The following TACC2 variants were observed in gnomAD, a reference collection of about 807,000 sequenced individuals.
TACC2 encodes the protein transforming acidic coiled-coil-containing protein 2.
TACC2 carries 137 observed loss-of-function variants against 227.3 expected under a neutral mutation model. The ratio of observed to expected loss-of-function variants is 0.60; its 90% CI spans 0.52 to 0.69. The LOEUF (loss-of-function observed/expected upper bound fraction) is 0.69, where lower values mean the gene tolerates loss of function less well. TACC2 is among the 30% of genes least tolerant of loss of function. The pLI is 0.00. For missense variants in TACC2, 3,470 were observed against 3,694.4 expected (o/e 0.94, Z 1.57); for synonymous variants, 1,523 against 1,487.5 (o/e 1.02, Z -0.55).
intron 5 of TACC2, among the ~76,000 whole-genome samples, chr10:122,129,117 G>A (rs2087519888): frequency 6.8e-6 from 1 of 147,614 alleles, no homozygotes; most frequent in Non-Finnish European, 1.5e-5. Context: ...TTTTGCTCTT[G>A]TCACCCAGGC....
chr10:122,233,760 T>G (rs1443005542), intron 16 of TACC2, among the ~76,000 whole-genome samples: 1 of 152,052 alleles, frequency 6.6e-6, no homozygotes, highest in East Asian at 1.9e-4. Flanking sequence ...GGAGCCTCTG[T>G]GGTCATTGGC....
chr10:122,080,211 C>CTTTTTTT (rs111618289), intron 3 of TACC2, among the ~76,000 whole-genome samples: 2 of 113,200 alleles, frequency 1.8e-5, no homozygotes, highest in African/African-American at 8.0e-5. Flanking sequence ...TCTTCCTTTC[C>CTTTTTTT]TTTTTTTTTT....
intron 5 of TACC2, among the ~76,000 whole-genome samples, chr10:122,106,762 A>G (rs1014105354): frequency 6.6e-6 from 1 of 152,238 alleles, no homozygotes; most frequent in Non-Finnish European, 1.5e-5. Flanking sequence ...AGACCACCCA[A>G]TACAAGAAAG....
At position 122,209,341 on chromosome 10, in the gene TACC2, G is replaced by C. The variant is rs1277641208; in HGVS notation, c.5972-1056G>C. Among the ~76,000 whole-genome samples, 1 of 152,180 alleles carries C rather than the reference G, an allele frequency of 6.6e-6. No individual in the cohort carries two copies. Among genetic ancestry groups the C allele is most frequent in the African/African-American group, 2.4e-5 (1 of 41,436 alleles). On this transcript the variant is annotated intron_variant, in intron 8 of 22. Transcript: ENST00000369005. The surrounding 1 kb of genome is among the most constrained non-coding windows in gnomAD (Gnocchi z 4.5). ...AGGAGTCAAGAACAGGCTTGCTGGTGGCCGTGGCTAGTATGAATATTTATG... is the reference window on the plus strand; with the variant it reads ...AGGAGTCAAGAACAGGCTTGCTGGTCGCCGTGGCTAGTATGAATATTTATG...
intron 1 of TACC2, among the ~76,000 whole-genome samples, chr10:122,014,577 T>C (rs1956342103): frequency 6.6e-6 from 1 of 152,172 alleles, no homozygotes; most frequent in South Asian, 2.1e-4. Context: ...GCTCAGTGTA[T>C]AAAATGGGGC....
chr10:122,074,643 A>G (rs546772214), intron 3 of TACC2, among the ~76,000 whole-genome samples: 1 of 152,264 alleles, frequency 6.6e-6, no homozygotes, highest in South Asian at 2.1e-4. Flanking sequence ...TACAGGGATT[A>G]GAGTGCTGGA....
In TACC2 at chr10:122,087,537, C is replaced by T; in HGVS notation, c.5037C>T (p.Ser1679=). Residue 1679 remains serine (S), a synonymous_variant, in exon 4 of 23, where the codon AGC becomes AGT. Transcript: ENST00000369005. ...LEMRNALGNQ[S]TPAPPTGEVA... is the part of the protein sequence containing the mutation. ...TGCGAAATGCCCTGGGCAACCAGAG[C>T]ACCCCTGCACCACCAACTGGAGAAG... The T allele has an allele frequency of 1.9e-6, 3 of 1,613,878 alleles. No individual in the cohort carries two copies. Among genetic ancestry groups the T allele is most frequent in the Non-Finnish European group, 2.5e-6 (3 of 1,180,036 alleles).
chr10:122,108,053 G>A (rs938158309), intron 5 of TACC2, among the ~76,000 whole-genome samples: 3 of 150,734 alleles, frequency 2.0e-5, no homozygotes, highest in African/African-American at 7.3e-5. Context: ...CACCACGCCC[G>A]GCTAATTTTT....
intron 1 of TACC2, among the ~76,000 whole-genome samples, chr10:122,006,167 G>A (rs1590949101): frequency 6.6e-6 from 1 of 152,118 alleles, no homozygotes; most frequent in East Asian, 1.9e-4. Context: ...ATAGGATGCT[G>A]GCCAGGCACG....
rs1266933346 is a variant in TACC2, at chr10:122,211,639, T to A, written c.7214T>A (p.Met2405Lys). 3 of 1,609,338 alleles carry A rather than the reference T, an allele frequency of 1.9e-6. No homozygotes were observed. In the South Asian group the frequency reaches 3.3e-5, roughly 18 times the overall value. Residue 2405 changes from methionine to lysine, a missense_variant, in exon 9 of 23, where the codon ATG becomes AAG. This residue lies in a region of TACC2 where 593 missense variants were observed against 636.6 expected (regional missense o/e 0.93). Transcript: ENST00000369005. ...PASFEIPASAMEANGVDGDGL... is the reference protein window; with the variant it reads ...PASFEIPASAKEANGVDGDGL... ...TCCTTTGAGATCCCAGCCAGTGCTA[T>A]GGAAGCCAATGGAGTGGACGGGGAT...
chr10:122,168,809 A>G (rs141360327), intron 7 of TACC2, among the ~76,000 whole-genome samples: 151 of 152,248 alleles, frequency 9.9e-4, no homozygotes, highest in African/African-American at 3.5e-3. Context: ...TTCTGTGGCT[A>G]GATTTTTGGT....
At chr10:122,108,891 G>A (rs12249913) in intron 5 of TACC2, among the ~76,000 whole-genome samples, 39,350 of 151,738 alleles carry the variant, frequency 0.26, 5,605 homozygotes, top group Middle Eastern at 0.34. Flanking sequence ...GCGCCACCAC[G>A]CCTGGCTAAT....
intron 1 of TACC2, among the ~76,000 whole-genome samples, chr10:121,995,685 A>G (rs1403950705): frequency 6.6e-6 from 1 of 152,182 alleles, no homozygotes; most frequent in East Asian, 1.9e-4. Flanking sequence ...GCTTTCACTC[A>G]TGGTGGAAGG....
chr10:122,124,272 A>G (rs2086401369), intron 5 of TACC2, among the ~76,000 whole-genome samples: 1 of 152,166 alleles, frequency 6.6e-6, no homozygotes, highest in Non-Finnish European at 1.5e-5. Context: ...AGTGTCAGGT[A>G]GATGTCATGA....
chr10:122,178,638 C>G (rs1244333440), intron 7 of TACC2, among the ~76,000 whole-genome samples: 1 of 152,192 alleles, frequency 6.6e-6, no homozygotes, highest in Non-Finnish European at 1.5e-5. Context: ...AATCCCAGCA[C>G]TTTGAGAGGC....
At chr10:122,179,940 C>T (rs902144145) in intron 7 of TACC2, among the ~76,000 whole-genome samples, 5 of 151,890 alleles carry the variant, frequency 3.3e-5, no homozygotes, top group South Asian at 2.1e-4. Flanking sequence ...AAAATATAGC[C>T]GGGAGTGGTG....
At chr10:122,204,259 C>T (rs1016981840) in intron 8 of TACC2, among the ~76,000 whole-genome samples, 3 of 152,094 alleles carry the variant, frequency 2.0e-5, no homozygotes, top group Non-Finnish European at 2.9e-5. Context: ...TTTTCCAGAG[C>T]GTCTCATTTC....
intron 3 of TACC2, among the ~76,000 whole-genome samples, chr10:122,059,583 T>G (rs1238404854): frequency 6.6e-6 from 1 of 152,126 alleles, no homozygotes; most frequent in Non-Finnish European, 1.5e-5. Context: ...CAACATATAT[T>G]TACTGGGCAG....
At chr10:122,239,983 C>A (rs1169000150) in intron 18 of TACC2, among the ~76,000 whole-genome samples, 1 of 152,208 alleles carries the variant, frequency 6.6e-6, no homozygotes, top group Non-Finnish European at 1.5e-5. Context: ...TGAACAAAGG[C>A]TGCGGAGTGT....
Sources: allele counts gnomAD v4.1 joint callset (sites outside exome capture counted in the v4.1 genomes callset), GRCh38; gene constraint gnomAD v4.1.1; regional missense constraint gnomAD v4.1.1; non-coding constraint Gnocchi (gnomAD v3.1); transcripts MANE v1.5; gene names NCBI Gene and HGNC (gene_info 2026-07-23, HGNC 2026-07-21).